C13orf42: variants seen among roughly 807,000 people sequenced by gnomAD.
C13orf42 encodes chromosome 13 open reading frame 42.
At chr13:51,150,204 C>T (rs1953768273) in intron 1 of C13orf42, among the ~76,000 whole-genome samples, 1 of 152,178 alleles carries the variant, frequency 6.6e-6, no homozygotes, top group Non-Finnish European at 1.5e-5. Flanking sequence ...TTGTGGGACC[C>T]CCACATTTCT....
At chr13:51,120,409 G>A (rs144471745) in intron 1 of C13orf42, among the ~76,000 whole-genome samples, 4 of 152,296 alleles carry the variant, frequency 2.6e-5, no homozygotes, top group Admixed American at 6.5e-5. Context: ...AAGCTCCACC[G>A]GGGCAGGAAT....
At chr13:51,145,086 A>T (rs1297140012) in intron 1 of C13orf42, among the ~76,000 whole-genome samples, 1 of 152,150 alleles carries the variant, frequency 6.6e-6, no homozygotes, top group Non-Finnish European at 1.5e-5. Context: ...TTTGGACCAA[A>T]TTCTAATTTT....
At chr13:51,169,184 C>G (rs185864702) in intron 1 of C13orf42, among the ~76,000 whole-genome samples, 1 of 152,114 alleles carries the variant, frequency 6.6e-6, no homozygotes, top group Non-Finnish European at 1.5e-5. Context: ...CAGAAGAAGA[C>G]AGGAAGATGA....
chr13:51,153,628 T>TTTTTTTTTTGTTTG (rs1566140693), intron 1 of C13orf42, among the ~76,000 whole-genome samples: 2 of 141,262 alleles, frequency 1.4e-5, no homozygotes, highest in African/African-American at 5.5e-5. Context: ...TCTGTTTTTT[T>TTTTTTTTTTGTTTG]TCTTTTTTTT....
chr13:51,168,955 C>T (rs1031393770), intron 1 of C13orf42, among the ~76,000 whole-genome samples: 1 of 152,168 alleles, frequency 6.6e-6, no homozygotes, highest in Non-Finnish European at 1.5e-5. Flanking sequence ...GAGGCCTCAC[C>T]AGCCATGTTT....
chr13:51,131,196 A>C (rs1165226519), intron 1 of C13orf42, among the ~76,000 whole-genome samples: 1 of 152,214 alleles, frequency 6.6e-6, no homozygotes, highest in Non-Finnish European at 1.5e-5. Flanking sequence ...CTGTGAACAA[A>C]ATTTGGAGCA....
intron 1 of C13orf42, among the ~76,000 whole-genome samples, chr13:51,136,673 G>A (rs1953660539): frequency 6.6e-6 from 1 of 152,196 alleles, no homozygotes; most frequent in Non-Finnish European, 1.5e-5. Flanking sequence ...ACCACTCCTA[G>A]TGAGAAAAGA....
intron 1 of C13orf42, among the ~76,000 whole-genome samples, chr13:51,170,875 T>C (rs528094442): frequency 3.2e-4 from 49 of 151,216 alleles, no homozygotes; most frequent in African/African-American, 1.1e-3. Context: ...TACCCCTCAA[T>C]CCCTTCTCCT....
chr13:51,137,733 C>G (rs1272247820), intron 1 of C13orf42, among the ~76,000 whole-genome samples: 1 of 152,110 alleles, frequency 6.6e-6, no homozygotes, highest in Non-Finnish European at 1.5e-5. Flanking sequence ...TAGTATGTAT[C>G]CATTGTAAAA....
At chr13:51,119,076 G>A (rs971480435) in intron 1 of C13orf42, among the ~76,000 whole-genome samples, 1 of 150,606 alleles carries the variant, frequency 6.6e-6, no homozygotes, top group Non-Finnish European at 1.5e-5. Flanking sequence ...GGTGTATGGT[G>A]TGCCCAGGTG....
chr13:51,085,581 C>T, intron 2 of C13orf42, 22 bp from the exon 3 acceptor site: 1 of 398,770 alleles, frequency 2.5e-6, no homozygotes, highest in Non-Finnish European at 4.4e-6. Flanking sequence ...AAGCATGTGA[C>T]CCAGGAAGGA....
At chr13:51,103,625 C>T (rs1287978295) in intron 1 of C13orf42, among the ~76,000 whole-genome samples, 3 of 152,008 alleles carry the variant, frequency 2.0e-5, no homozygotes, top group East Asian at 1.9e-4. Flanking sequence ...CACTTGAACC[C>T]GGGAGGCAGA....
intron 1 of C13orf42, among the ~76,000 whole-genome samples, chr13:51,100,450 T>C (rs1953277327): frequency 1.3e-5 from 2 of 152,150 alleles, no homozygotes; most frequent in African/African-American, 4.8e-5. Flanking sequence ...GAAGTGTCCC[T>C]ATAAATAAAT....
intron 1 of C13orf42, among the ~76,000 whole-genome samples, chr13:51,118,424 T>G (rs1367274168): frequency 6.6e-6 from 1 of 152,198 alleles, no homozygotes; most frequent in East Asian, 1.9e-4. Flanking sequence ...CTTCACCTCC[T>G]CAATCGATGG....
chr13:51,126,494 T>G (rs1232420234), intron 1 of C13orf42, among the ~76,000 whole-genome samples: 1 of 152,170 alleles, frequency 6.6e-6, no homozygotes, highest in African/African-American at 2.4e-5. Context: ...ATTCCAGAAT[T>G]TACCTACAAA....
chr13:51,147,853 A>C (rs1023478770), intron 1 of C13orf42, among the ~76,000 whole-genome samples: 1 of 152,214 alleles, frequency 6.6e-6, no homozygotes, highest in Admixed American at 6.5e-5. Context: ...CAATTAAATC[A>C]GAACCTCCAG....
At chr13:51,146,893 ATC>A (rs1467625421) in intron 1 of C13orf42, among the ~76,000 whole-genome samples, 1 of 152,046 alleles carries the variant, frequency 6.6e-6, no homozygotes, top group Non-Finnish European at 1.5e-5. Flanking sequence ...GGGTTTCTCT[ATC>A]TCAGTGTCTG....
intron 1 of C13orf42, chr13:51,162,233 A>G (rs1566142990): frequency 5.1e-6 from 1 of 194,952 alleles, no homozygotes; most frequent in East Asian, 1.4e-4. Context: ...CTGTACCACT[A>G]AGTGTTTCCA....
intron 1 of C13orf42, among the ~76,000 whole-genome samples, chr13:51,110,183 T>C (rs1236945615): frequency 1.3e-5 from 2 of 152,180 alleles, no homozygotes; most frequent in Admixed American, 1.3e-4. Context: ...TTTGAAAACA[T>C]CTAGTCATGT....
Sources: gnomAD v4.1 joint callset for allele counts (sites outside exome capture counted in the v4.1 genomes callset) on GRCh38, gnomAD v4.1.1 for gene constraint, MANE v1.5 for transcripts, NCBI Gene and HGNC (gene_info 2026-07-23, HGNC 2026-07-21) for gene names.